GULP1: variants seen among roughly 807,000 people sequenced by gnomAD.
The protein encoded by GULP1 is GULP PTB domain containing engulfment adaptor 1.
GULP1 carries 19 observed loss-of-function variants against 40.9 expected under a neutral mutation model. The observed-to-expected ratio is 0.46, with a 90% confidence interval of 0.32 to 0.68. GULP1 has a LOEUF of 0.68. Ranked by LOEUF, GULP1 falls within the 30% of genes least tolerant of loss-of-function variation. The pLI is 0.03. For synonymous variants in GULP1, 119 were observed against 117.6 expected, an observed-to-expected ratio of 1.01 and a Z score of -0.08; for missense variants, 312 against 362.2, an observed-to-expected ratio of 0.86 and a Z score of 1.12.
chr2:188,493,860 C>T (rs1204618610), intron 4 of GULP1, among the ~76,000 whole-genome samples: 1 of 152,032 alleles, frequency 6.6e-6, no homozygotes, highest in African/African-American at 2.4e-5. Flanking sequence ...CATTGGGTTG[C>T]GTCAGTTCTC....
chr2:188,579,619 A>C (rs1700868713), intron 9 of GULP1, among the ~76,000 whole-genome samples: 1 of 152,334 alleles, frequency 6.6e-6, no homozygotes, highest in Admixed American at 6.5e-5. Flanking sequence ...AAGACCTGTG[A>C]GGACTAGTTC....
chr2:188,367,250 G>A (rs542492334), intron 1 of GULP1, among the ~76,000 whole-genome samples: 7 of 152,134 alleles, frequency 4.6e-5, no homozygotes, highest in Non-Finnish European at 1.0e-4. Context: ...TCATATCTTA[G>A]TATTTGTCTG....
intron 1 of GULP1, among the ~76,000 whole-genome samples, chr2:188,349,923 A>G (rs372780734): frequency 1.3e-5 from 2 of 152,242 alleles, no homozygotes; most frequent in African/African-American, 4.8e-5. Context: ...ATTATTTTAC[A>G]TCTGGATCCC....
At chr2:188,328,179 A>C (rs145711592) in intron 1 of GULP1, among the ~76,000 whole-genome samples, 2 of 152,260 alleles carry the variant, frequency 1.3e-5, no homozygotes, top group East Asian at 1.9e-4. Context: ...ATGAAAATAC[A>C]TTGTAAGATG....
chr2:188,398,754 A>T (rs1210588797), intron 2 of GULP1, among the ~76,000 whole-genome samples: 2 of 152,230 alleles, frequency 1.3e-5, no homozygotes, highest in Non-Finnish European at 2.9e-5. Flanking sequence ...CACATTCTTT[A>T]TAAAATGGCT....
intron 4 of GULP1, among the ~76,000 whole-genome samples, chr2:188,485,365 G>T (rs529686020): frequency 6.6e-6 from 1 of 152,108 alleles, no homozygotes; most frequent in East Asian, 1.9e-4. Context: ...GTAAAATATG[G>T]AAGGGCAGGA....
At chr2:188,593,098 G>C (rs867924014) in intron 11 of GULP1, 5 of 152,020 alleles carry the variant, frequency 3.3e-5, no homozygotes, top group South Asian at 2.1e-4. Flanking sequence ...ATTGATCAGT[G>C]CAAGTCTGTG....
intron 9 of GULP1, among the ~76,000 whole-genome samples, chr2:188,583,623 A>G (rs954385052): frequency 3.3e-5 from 5 of 152,162 alleles, no homozygotes; most frequent in African/African-American, 7.2e-5. Context: ...AGAAAACTCA[A>G]TGATTTGGGC....
rs569271188 is a variant in GULP1, at chr2:188,465,659, T to C, written c.-44-12000T>C. On this transcript the variant is annotated intron_variant, in intron 2 of 11. Transcript: ENST00000409830. ...GCAATTCTCCTTTGTGTGGGGCTTG[T>C]TTAAATTCTCCCTCCTTGGGCGAGC... 2.4e-4 allele frequency among the ~76,000 whole-genome samples: 37 copies of C among 152,174 alleles called. 1 individual carries two copies. Among genetic ancestry groups the C allele is most frequent in the African/African-American group, 8.7e-4 (36 of 41,526 alleles).
chr2:188,511,658 A>G (rs562200186), intron 4 of GULP1, among the ~76,000 whole-genome samples: 167 of 152,268 alleles, frequency 1.1e-3, no homozygotes, highest in African/African-American at 3.9e-3. Context: ...TAGCAAGTAG[A>G]CTTGTTTGGA....
chr2:188,499,139 A>ATATATG (rs1559312270), intron 4 of GULP1, among the ~76,000 whole-genome samples: 1 of 52,762 alleles, frequency 1.9e-5, no homozygotes, highest in Non-Finnish European at 3.9e-5. Context: ...GTGTGTGTAT[A>ATATATG]TATATATATA....
chr2:188,566,901 A>G (rs561564183), intron 7 of GULP1, among the ~76,000 whole-genome samples: 9 of 152,070 alleles, frequency 5.9e-5, no homozygotes, highest in African/African-American at 1.9e-4. Context: ...AAGGTCTAAT[A>G]TCCAGAATTT....
chr2:188,368,354 G>A (rs2047083570), intron 1 of GULP1, among the ~76,000 whole-genome samples: 1 of 152,120 alleles, frequency 6.6e-6, no homozygotes, highest in South Asian at 2.1e-4. Flanking sequence ...GCATAGGCGG[G>A]TGGATCACTT....
At chr2:188,325,501 T>G (rs1355149818) in intron 1 of GULP1, among the ~76,000 whole-genome samples, 3 of 152,164 alleles carry the variant, frequency 2.0e-5, no homozygotes, top group African/African-American at 7.2e-5. Flanking sequence ...AATATTTTTT[T>G]CTGATTTGGG....
At chr2:188,357,614 A>G (rs922109952) in intron 1 of GULP1, among the ~76,000 whole-genome samples, 1 of 152,138 alleles carries the variant, frequency 6.6e-6, no homozygotes, top group Non-Finnish European at 1.5e-5. Flanking sequence ...ATAAATTAGC[A>G]CAGCTATTAC....
chr2:188,330,843 C>A (rs773802882), intron 1 of GULP1, among the ~76,000 whole-genome samples: 57 of 152,120 alleles, frequency 3.7e-4, no homozygotes, highest in Non-Finnish European at 4.9e-4. Flanking sequence ...TCTCTCAGCT[C>A]CCCCGACAAT....
chr2:188,535,740 C>A (rs900338922), intron 6 of GULP1, among the ~76,000 whole-genome samples: 6 of 151,966 alleles, frequency 3.9e-5, no homozygotes, highest in African/African-American at 1.4e-4. Context: ...TGGAAAACAG[C>A]AACTGTTTTA....
chr2:188,315,765 G>C (rs932613453), intron 1 of GULP1, among the ~76,000 whole-genome samples: 2 of 152,026 alleles, frequency 1.3e-5, no homozygotes, highest in African/African-American at 4.8e-5. Context: ...ATTAGGCACA[G>C]TAAAGGATTA....
intron 7 of GULP1, among the ~76,000 whole-genome samples, chr2:188,544,979 A>G (rs1169877363): frequency 6.6e-6 from 1 of 152,088 alleles, no homozygotes; most frequent in Non-Finnish European, 1.5e-5. Flanking sequence ...AAAAATCTTG[A>G]AAGCAGCATG....
Sources: gnomAD v4.1 joint callset for allele counts (sites outside exome capture counted in the v4.1 genomes callset) on GRCh38, gnomAD v4.1.1 for gene constraint, MANE v1.5 for transcripts, NCBI Gene and HGNC (gene_info 2026-07-23, HGNC 2026-07-21) for gene names.